CRADD: variants seen among roughly 807,000 people sequenced by gnomAD.
The protein encoded by CRADD is death domain-containing protein CRADD.
A neutral mutation model predicts 15.5 loss-of-function variants in CRADD; 9 were observed. The ratio of observed to expected loss-of-function variants is 0.58; its 90% confidence interval spans 0.35 to 1.01. The LOEUF is 1.01. CRADD is among the 50% of genes least tolerant of loss of function. The pLI is 0.02. For synonymous variants in CRADD, 118 were observed against 107.6 expected, an observed-to-expected ratio of 1.10 and a Z score of -0.60; for missense variants, 227 against 250.3, an observed-to-expected ratio of 0.91 and a Z score of 0.63.
chr12:93,721,992 A>G (rs1956274128), intron 2 of CRADD, among the ~76,000 whole-genome samples: 1 of 152,334 alleles, frequency 6.6e-6, no homozygotes, highest in Non-Finnish European at 1.5e-5. Flanking sequence ...TTCTCTCAAA[A>G]GAACTTCTTT....
chr12:93,886,162 C>CATTTTTTTTTT lies in CRADD; in HGVS notation c.299-7888_299-7887insATTTTTTTTTT, dbSNP rs1555231623. Among the ~76,000 whole-genome samples, 3 of 123,948 alleles carry CATTTTTTTTTT rather than the reference C, an allele frequency of 2.4e-5. 1 individual carries two copies. 81.3% of individuals were successfully genotyped at this position (123,948 alleles called of 152,430 possible). On this transcript the variant is annotated intron_variant, in intron 2 of 2. Transcript: ENST00000548483. ...ATGGACATGCCTCTAGCTGCTGATG[C>CATTTTTTTTTT]TTTTTTTTTTTTTTTTTTTTGAGAC...
intron 2 of CRADD, among the ~76,000 whole-genome samples, chr12:93,883,011 C>T (rs1462773767): frequency 1.3e-5 from 2 of 152,186 alleles, no homozygotes; most frequent in Non-Finnish European, 2.9e-5. Context: ...AAAGTGGCAA[C>T]ACGAAGAGAC....
chr12:93,836,675 A>G (rs2137035120), intron 2 of CRADD, among the ~76,000 whole-genome samples: 1 of 152,388 alleles, frequency 6.6e-6, no homozygotes, highest in Non-Finnish European at 1.5e-5. Flanking sequence ...GTAATACTGT[A>G]GCTATAGAGA....
chr12:93,777,660 G>T lies in CRADD; in HGVS notation c.299-72310G>T, dbSNP rs118112608. Among the ~76,000 whole-genome samples, 226 of 152,314 alleles carry T rather than the reference G, an allele frequency of 1.5e-3. 5 individuals are homozygous for T. In the East Asian group the frequency reaches 0.032, roughly 21 times the overall value. On this transcript the variant is annotated intron_variant, in intron 2 of 2. Transcript: ENST00000332896. ...GTTTGCTAGTAAATATCATAAGAAT[G>T]TTTAAAAGGAAGTTATGATTTTAAG...
At chr12:93,819,714 G>T (rs1292723669) in intron 2 of CRADD, among the ~76,000 whole-genome samples, 1 of 152,226 alleles carries the variant, frequency 6.6e-6, no homozygotes, top group Non-Finnish European at 1.5e-5. Context: ...TTGTTACTTG[G>T]TGTGCGTAAG....
chr12:93,891,437 A>G (rs1958575456), intron 2 of CRADD, among the ~76,000 whole-genome samples: 1 of 152,176 alleles, frequency 6.6e-6, no homozygotes, highest in East Asian at 1.9e-4. Flanking sequence ...CAGTGAGCCG[A>G]GATTGTGTCA....
intron 2 of CRADD, among the ~76,000 whole-genome samples, chr12:93,723,694 G>A (rs892637572): frequency 4.6e-5 from 7 of 152,216 alleles, no homozygotes; most frequent in African/African-American, 1.7e-4. Context: ...TTGCTGGGCA[G>A]TGGGAATGAT....
intron 2 of CRADD, among the ~76,000 whole-genome samples, chr12:93,883,844 A>C (rs904646840): frequency 7.2e-5 from 11 of 152,136 alleles, no homozygotes; most frequent in African/African-American, 2.7e-4. Flanking sequence ...AAAACAATAA[A>C]ATAAAATAAA....
chr12:93,779,956 T>A (rs528700612), intron 2 of CRADD, among the ~76,000 whole-genome samples: 2 of 152,232 alleles, frequency 1.3e-5, no homozygotes, highest in African/African-American at 4.8e-5. Context: ...TATAGAAGAT[T>A]GAAAGACAAG....
intron 2 of CRADD, among the ~76,000 whole-genome samples, chr12:93,813,365 C>G (rs1339975421): frequency 6.6e-6 from 1 of 152,238 alleles, no homozygotes; most frequent in Non-Finnish European, 1.5e-5. Context: ...GTGCCCTTAT[C>G]TTCCACAACT....
intron 2 of CRADD, chr12:93,836,214 A>T (rs1443293830): frequency 6.6e-6 from 1 of 151,988 alleles, no homozygotes; most frequent in African/African-American, 2.4e-5. Flanking sequence ...AACCCACTTA[A>T]TTTTTTCCTC....
At chr12:93,871,620 A>C (rs961423257) in intron 2 of CRADD, among the ~76,000 whole-genome samples, 10 of 152,030 alleles carry the variant, frequency 6.6e-5, no homozygotes, top group Admixed American at 3.3e-4. Flanking sequence ...CCAGGAGTTT[A>C]ATTGTTTTGA....
chr12:93,738,925 A>G (rs1339950073), intron 2 of CRADD, among the ~76,000 whole-genome samples: 1 of 152,220 alleles, frequency 6.6e-6, no homozygotes. Context: ...TGTGTCTTTA[A>G]GGGGAAACTT....
chr12:93,818,954 G>A (rs577518229), intron 2 of CRADD, among the ~76,000 whole-genome samples: 22 of 152,202 alleles, frequency 1.4e-4, no homozygotes, highest in Non-Finnish European at 2.1e-4. Flanking sequence ...TCTAGAGACC[G>A]CACTGGCGAA....
At chr12:93,766,447 A>C in intron 2 of CRADD, among the ~76,000 whole-genome samples, 1 of 152,178 alleles carries the variant, frequency 6.6e-6, no homozygotes, top group East Asian at 1.9e-4. Context: ...AAGCTAATAG[A>C]CTTCCAATTG....
chr12:93,695,678 G>A (rs1955687325), intron 2 of CRADD, among the ~76,000 whole-genome samples: 2 of 152,184 alleles, frequency 1.3e-5, no homozygotes, highest in Non-Finnish European at 2.9e-5. Flanking sequence ...CGAGGTGGGT[G>A]GCTTGTCTGA....
downstream of CRADD, among the ~76,000 whole-genome samples, chr12:93,854,600 C>A (rs1199900395): frequency 6.6e-6 from 1 of 152,146 alleles, no homozygotes; most frequent in Non-Finnish European, 1.5e-5. Context: ...GATTTCTGGG[C>A]CCTATTGAAA....
At chr12:93,860,085 A>G (rs1159682446) in intron 2 of CRADD, among the ~76,000 whole-genome samples, 2 of 151,878 alleles carry the variant, frequency 1.3e-5, no homozygotes, top group Admixed American at 6.6e-5. Context: ...CCTTGGAGGA[A>G]GTTTAACAGT....
At chr12:93,868,330 T>A (rs1958388282) in intron 2 of CRADD, among the ~76,000 whole-genome samples, 1 of 152,194 alleles carries the variant, frequency 6.6e-6, no homozygotes, top group Non-Finnish European at 1.5e-5. Context: ...TATAAGGAGA[T>A]TCATTCAAAA....
Sources: allele counts gnomAD v4.1 joint callset (sites outside exome capture counted in the v4.1 genomes callset), GRCh38; gene constraint gnomAD v4.1.1; transcripts MANE v1.5; gene names NCBI Gene and HGNC (gene_info 2026-07-23, HGNC 2026-07-21).